Variants in ADGRB3 observed in about 807,000 individuals in gnomAD.
ADGRB3 encodes brain-specific angiogenesis inhibitor 3.
ADGRB3 carries 37 observed loss-of-function variants against 193.4 expected under a neutral mutation model. That is an observed-to-expected ratio of 0.19 (90% CI 0.15 to 0.25). ADGRB3 has a LOEUF of 0.25. Ranked by LOEUF, ADGRB3 falls within the 10% of genes least tolerant of loss-of-function variation. The probability of loss-of-function intolerance (pLI) is 1.00; values close to 1 mark genes in which losing one functional copy is unlikely to be tolerated. For synonymous variants in ADGRB3, 690 were observed against 644.2 expected, an observed-to-expected ratio of 1.07 and a Z score of -1.08; for missense variants, 1,637 against 1,852.9, an observed-to-expected ratio of 0.88 and a Z score of 2.14.
intron 3 of ADGRB3, among the ~76,000 whole-genome samples, chr6:68,906,741 G>A (rs912502777): frequency 6.6e-6 from 1 of 151,912 alleles, no homozygotes; most frequent in Non-Finnish European, 1.5e-5. Flanking sequence ...ATGTTTATTA[G>A]TTATTGTTAT....
intron 3 of ADGRB3, among the ~76,000 whole-genome samples, chr6:68,735,321 C>T (rs947861428): frequency 6.6e-6 from 1 of 151,586 alleles, no homozygotes; most frequent in Admixed American, 6.6e-5. Flanking sequence ...TTCATCAGTG[C>T]TTGGAATAGC....
chr6:68,810,873 G>C (rs1369314439), intron 3 of ADGRB3, among the ~76,000 whole-genome samples: 1 of 151,810 alleles, frequency 6.6e-6, no homozygotes, highest in Non-Finnish European at 1.5e-5. Flanking sequence ...AGAAGGATTT[G>C]GTAAAAATAA....
chr6:69,086,690 A>C (rs1772559921), intron 17 of ADGRB3, among the ~76,000 whole-genome samples: 1 of 152,034 alleles, frequency 6.6e-6, no homozygotes, highest in South Asian at 2.1e-4. Context: ...TAAAAAGTGC[A>C]TTTTTGTTTG....
intron 10 of ADGRB3, among the ~76,000 whole-genome samples, chr6:68,988,593 A>C (rs1769144186): frequency 6.6e-6 from 1 of 152,184 alleles, no homozygotes; most frequent in African/African-American, 2.4e-5. Flanking sequence ...CTCAAAAGAA[A>C]GACCTAGGAA....
chr6:68,669,500 T>A (rs1399387837), intron 3 of ADGRB3, among the ~76,000 whole-genome samples: 2 of 151,872 alleles, frequency 1.3e-5, no homozygotes, highest in Non-Finnish European at 2.9e-5. Flanking sequence ...GCCATGTTTG[T>A]CTTTCTGTGC....
intron 30 of ADGRB3, among the ~76,000 whole-genome samples, chr6:69,378,816 T>C (rs79107067): frequency 0.012 from 1,835 of 152,134 alleles, 16 homozygotes; most frequent in Non-Finnish European, 0.021. Flanking sequence ...TCTTGGGATA[T>C]AGCAGGTACT....
At chr6:68,869,806 G>A (rs533230545) in intron 3 of ADGRB3, among the ~76,000 whole-genome samples, 2 of 152,026 alleles carry the variant, frequency 1.3e-5, no homozygotes, top group Non-Finnish European at 2.9e-5. Context: ...AGTCTCACTC[G>A]CTCACTCGGT....
intron 8 of ADGRB3, among the ~76,000 whole-genome samples, chr6:68,958,157 C>T (rs1768131195): frequency 6.6e-6 from 1 of 151,948 alleles, no homozygotes. Context: ...GCCGAGATTG[C>T]ACCACTGCAC....
intron 3 of ADGRB3, among the ~76,000 whole-genome samples, chr6:68,683,790 T>C (rs578151720): frequency 7.2e-5 from 11 of 152,282 alleles, no homozygotes; most frequent in South Asian, 4.1e-4. Flanking sequence ...TCATTATACC[T>C]TTACGGCAGT....
chr6:69,266,311 G>T (rs1426527101), intron 20 of ADGRB3, among the ~76,000 whole-genome samples: 1 of 151,884 alleles, frequency 6.6e-6, no homozygotes. Context: ...TTTTAGCATG[G>T]TTTCTTTAGT....
At chr6:68,956,337 A>T in intron 7 of ADGRB3, 149 bp downstream of exon 7, 1 of 913,850 alleles carries the variant, frequency 1.1e-6, no homozygotes, top group Non-Finnish European at 1.6e-6. Flanking sequence ...GTATACATGT[A>T]TTTATTAATG....
chr6:68,884,201 TTAG>T (rs1204680788), intron 3 of ADGRB3, among the ~76,000 whole-genome samples: 1 of 152,198 alleles, frequency 6.6e-6, no homozygotes, highest in Non-Finnish European at 1.5e-5. Context: ...TTTCACTTCC[TTAG>T]TAGGTACTTT....
chr6:69,167,651 A>T (rs1422309923), intron 17 of ADGRB3, among the ~76,000 whole-genome samples: 1 of 152,076 alleles, frequency 6.6e-6, no homozygotes, highest in East Asian at 1.9e-4. Context: ...CTTTCCCCAG[A>T]TATATTTGCG....
intron 3 of ADGRB3, among the ~76,000 whole-genome samples, chr6:68,835,396 T>C (rs921715929): frequency 6.6e-6 from 1 of 152,170 alleles, no homozygotes; most frequent in Non-Finnish European, 1.5e-5. Context: ...AAATGATGTG[T>C]GCTGCTTCCT....
chr6:68,733,831 T>TACACA (rs1765822008), intron 3 of ADGRB3, among the ~76,000 whole-genome samples: 1 of 151,816 alleles, frequency 6.6e-6, no homozygotes, highest in African/African-American at 2.4e-5. Flanking sequence ...GTAATGTACG[T>TACACA]GTAAGAATGT....
chr6:68,959,205 A>G (rs192646501), intron 8 of ADGRB3, among the ~76,000 whole-genome samples: 45 of 152,196 alleles, frequency 3.0e-4, no homozygotes, highest in African/African-American at 9.4e-4. Context: ...TCTGTAGTCA[A>G]TGTGTATTAC....
intron 5 of ADGRB3, among the ~76,000 whole-genome samples, chr6:68,942,047 A>G (rs1455135391): frequency 1.3e-5 from 2 of 151,742 alleles, no homozygotes; most frequent in African/African-American, 2.4e-5. Flanking sequence ...TTTTAAAACT[A>G]TATTTCCCAA....
chr6:68,769,682 TAC>T (rs1441263153), intron 3 of ADGRB3, among the ~76,000 whole-genome samples: 1 of 152,108 alleles, frequency 6.6e-6, no homozygotes. Context: ...AAACTTAAAG[TAC>T]ACACACACAA....
At chr6:68,898,550 G>T (rs1432797396) in intron 3 of ADGRB3, among the ~76,000 whole-genome samples, 1 of 152,030 alleles carries the variant, frequency 6.6e-6, no homozygotes, top group East Asian at 1.9e-4. Flanking sequence ...GAGAGAAAAG[G>T]TATTCCTGGC....
Sources: allele counts gnomAD v4.1 joint callset (sites outside exome capture counted in the v4.1 genomes callset), GRCh38; gene constraint gnomAD v4.1.1; transcripts MANE v1.5; gene names NCBI Gene and HGNC (gene_info 2026-07-23, HGNC 2026-07-21).